PDGFD: variants seen among roughly 807,000 people sequenced by gnomAD.
The protein encoded by PDGFD is platelet-derived growth factor D.
Under a neutral mutation model 44.7 loss-of-function variants are expected in PDGFD, and 30 were observed. That is an observed-to-expected ratio of 0.67 (90% CI 0.50 to 0.91). The LOEUF is 0.91. Among genes scored for constraint, PDGFD ranks in the 40% least tolerant of loss-of-function variants. PDGFD has a pLI of 0.00. For missense variants in PDGFD, 445 were observed against 457.8 expected, an observed-to-expected ratio of 0.97 and a Z score of 0.25; for synonymous variants, 173 against 168.4, an observed-to-expected ratio of 1.03 and a Z score of -0.21.
At chr11:104,101,500 C>A (rs1861380277) in intron 1 of PDGFD, among the ~76,000 whole-genome samples, 1 of 152,054 alleles carries the variant, frequency 6.6e-6, no homozygotes, top group African/African-American at 2.4e-5. Context: ...GGTCATACTG[C>A]CCAAGGTAAT....
chr11:104,063,284 A>T (rs1860740016), intron 1 of PDGFD, among the ~76,000 whole-genome samples: 2 of 151,860 alleles, frequency 1.3e-5, no homozygotes, highest in South Asian at 4.2e-4. Flanking sequence ...GATTCATCTT[A>T]CCTTCTATGA....
chr11:103,921,333 C>T (rs1023744584), intron 6 of PDGFD, among the ~76,000 whole-genome samples: 21 of 152,088 alleles, frequency 1.4e-4, no homozygotes, highest in Non-Finnish European at 2.1e-4. Context: ...AAACTCCTTG[C>T]GCGAAATTTA....
intron 1 of PDGFD, among the ~76,000 whole-genome samples, chr11:104,064,009 G>C (rs1860750989): frequency 6.6e-6 from 1 of 152,204 alleles, no homozygotes; most frequent in African/African-American, 2.4e-5. Context: ...GAGTCCATCA[G>C]GCTTCAAAGC....
chr11:103,909,216 C>G lies in PDGFD; in HGVS notation c.*478G>C, dbSNP rs1423974210. ...CTTTTGATTTTTAATATACAAGATG[C>G]TTTCTTTAAGAGAGCAAGATTCAAA... On this transcript the variant is annotated 3_prime_UTR_variant, in exon 7 of 7. Transcript: ENST00000393158. The G allele has an allele frequency of 6.6e-6, 1 of 152,492 alleles. No individual in the cohort carries two copies. Among genetic ancestry groups the G allele is most frequent in the Non-Finnish European group, 1.5e-5 (1 of 68,322 alleles). The allele number at this position is 152,492 out of a possible 1,614,324, so 9.4% of individuals were successfully genotyped here.
intron 6 of PDGFD, among the ~76,000 whole-genome samples, chr11:103,918,715 T>C (rs950004376): frequency 6.6e-6 from 1 of 152,174 alleles, no homozygotes; most frequent in African/African-American, 2.4e-5. Context: ...AGAGCACTAT[T>C]TGAACAAAGT....
At chr11:104,067,124 T>C (rs1358455651) in intron 1 of PDGFD, among the ~76,000 whole-genome samples, 2 of 152,154 alleles carry the variant, frequency 1.3e-5, no homozygotes, top group African/African-American at 4.8e-5. Flanking sequence ...AAATAAAATG[T>C]GTATATTAGT....
At chr11:103,957,198 C>T (rs557620748) in intron 3 of PDGFD, among the ~76,000 whole-genome samples, 8 of 152,210 alleles carry the variant, frequency 5.3e-5, no homozygotes, top group South Asian at 2.1e-4. Context: ...TTAGGTCTAA[C>T]GTTTAAGTCT....
intron 1 of PDGFD, among the ~76,000 whole-genome samples, chr11:104,084,714 G>C (rs361275): frequency 0.76 from 110,193 of 144,060 alleles, 42,827 homozygotes; most frequent in African/African-American, 0.92. Flanking sequence ...AATTAATAAA[G>C]TATACATATA....
At chr11:104,142,477 A>C (rs1227180913) in intron 1 of PDGFD, among the ~76,000 whole-genome samples, 1 of 152,166 alleles carries the variant, frequency 6.6e-6, no homozygotes, top group Non-Finnish European at 1.5e-5. Flanking sequence ...CATATCTATT[A>C]GAGATGATCT....
At chr11:104,125,879 C>T (rs978088292) in intron 1 of PDGFD, among the ~76,000 whole-genome samples, 1 of 152,132 alleles carries the variant, frequency 6.6e-6, no homozygotes, top group African/African-American at 2.4e-5. Flanking sequence ...TGTCACTGCA[C>T]ATTTATGGTA....
chr11:103,979,004 G>C (rs558894116), intron 3 of PDGFD, among the ~76,000 whole-genome samples: 2 of 152,122 alleles, frequency 1.3e-5, no homozygotes, highest in South Asian at 4.1e-4. Flanking sequence ...CAGCTCAGGA[G>C]CTTTATAAAT....
chr11:104,030,706 A>C (rs1182555887), intron 1 of PDGFD, among the ~76,000 whole-genome samples: 7 of 152,202 alleles, frequency 4.6e-5, no homozygotes, highest in African/African-American at 1.7e-4. Context: ...ATTCATGTGA[A>C]GAGAAAGAGG....
At chr11:104,083,989 C>T (rs1243372756) in intron 1 of PDGFD, among the ~76,000 whole-genome samples, 1 of 152,170 alleles carries the variant, frequency 6.6e-6, no homozygotes, top group Non-Finnish European at 1.5e-5. Flanking sequence ...TAACTGTAAA[C>T]TGATTGACCA....
chr11:104,088,581 T>C (rs1015394680), intron 1 of PDGFD, among the ~76,000 whole-genome samples: 2 of 152,208 alleles, frequency 1.3e-5, no homozygotes, highest in African/African-American at 4.8e-5. Flanking sequence ...TTCTTGAGTT[T>C]AGACTTCTTG....
rs1193661913 is a variant in PDGFD, at chr11:104,139,873, TAA to T, written c.124+23929_124+23930del. ...TAACAAGGTGAAACCCCGTCTCTAC[TAA>T]AAAAAAAAAAAAAAAAAAAAAAAAA... On this transcript the variant is annotated intron_variant, in intron 1 of 6. Coordinates refer to ENST00000393158, the MANE Select transcript of PDGFD (RefSeq NM_025208.5). 3.0e-3 allele frequency among the ~76,000 whole-genome samples: 59 copies of T among 19,846 alleles called. 3 individuals carry two copies. Among genetic ancestry groups the T allele is most frequent in the African/African-American group, 0.018 (55 of 3,008 alleles). 13.0% of individuals were successfully genotyped at this position (19,846 alleles called of 152,430 possible).
chr11:103,984,995 AAT>A (rs71037208), intron 3 of PDGFD, among the ~76,000 whole-genome samples: 42,139 of 100,018 alleles, frequency 0.42, 11,801 homozygotes, highest in South Asian at 0.59. Flanking sequence ...ATATTAATTT[AAT>A]ATGTTATATT....
intron 1 of PDGFD, among the ~76,000 whole-genome samples, chr11:104,019,178 G>A (rs1859911948): frequency 6.6e-6 from 1 of 152,172 alleles, no homozygotes; most frequent in Non-Finnish European, 1.5e-5. Context: ...AGCAAACAAT[G>A]AGCTTTGAAA....
At chr11:104,160,005 A>G (rs984475844) in intron 1 of PDGFD, among the ~76,000 whole-genome samples, 5 of 152,240 alleles carry the variant, frequency 3.3e-5, no homozygotes, top group Admixed American at 2.0e-4. Flanking sequence ...GCTGAACAAA[A>G]AATACACAGA....
At chr11:103,976,660 T>C (rs1228388995) in intron 3 of PDGFD, among the ~76,000 whole-genome samples, 1 of 152,108 alleles carries the variant, frequency 6.6e-6, no homozygotes, top group Admixed American at 6.6e-5. Context: ...ATATTGGCTA[T>C]GGGTTTCTCA....
Sources: allele counts gnomAD v4.1 joint callset (sites outside exome capture counted in the v4.1 genomes callset), GRCh38; gene constraint gnomAD v4.1.1; transcripts MANE v1.5; gene names NCBI Gene and HGNC (gene_info 2026-07-23, HGNC 2026-07-21).